The following KIF26B variants were observed in gnomAD, a reference collection of about 807,000 sequenced individuals.
KIF26B encodes kinesin family member 26B.
In KIF26B, 63 loss-of-function variants were observed where a neutral mutation model predicts 151.2. The ratio of observed to expected loss-of-function variants is 0.42; its 90% CI spans 0.34 to 0.51. KIF26B has a LOEUF of 0.51. KIF26B is among the 20% of genes least tolerant of loss of function. The pLI is 0.07. For synonymous variants in KIF26B, 1,357 were observed against 1,262.1 expected (o/e 1.08, Z -1.59); for missense variants, 2,813 against 2,913.6 (o/e 0.97, Z 0.79).
rs375885253 is a variant in KIF26B at position 245,688,274 on chromosome 1, C to T, written c.5291C>T (p.Pro1764Leu). 237 of 1,596,032 alleles carry T rather than the reference C, an allele frequency of 1.5e-4. No homozygotes were observed. The highest frequency in any genetic ancestry group is 1.9e-4 in the Non-Finnish European group (224 of 1,177,890). ...KTLSFSTKSLPQAVGQGSSSP... is the reference protein window; with the variant it reads ...KTLSFSTKSLLQAVGQGSSSP... ...CTCAGCTTCTCCACCAAGTCCCTGC[C>T]GCAGGCGGTGGGCCAGGGCTCCAGC... The change falls in exon 12 of 15, where the codon CCG becomes CTG. Residue 1764 changes from proline (P) to leucine (L), a missense_variant. Pro to Leu is a moderately conservative substitution (Grantham distance 98). Around this residue, in one of 3 missense-constraint regions of KIF26B, gnomAD observed 2,060 missense variants for 2,088.6 expected, o/e 0.99. Coordinates refer to ENST00000407071, the MANE Select transcript of KIF26B (RefSeq NM_018012.4).
At chr1:245,701,743 C>CTCG (rs1331485625) in intron 14 of KIF26B, among the ~76,000 whole-genome samples, 1 of 152,200 alleles carries the variant, frequency 6.6e-6, no homozygotes, top group East Asian at 1.9e-4. Context: ...GGTCCCAGAG[C>CTCG]TCGTCTCTTC....
At chr1:245,392,215 T>C (rs980860663) in intron 3 of KIF26B, among the ~76,000 whole-genome samples, 64 of 152,198 alleles carry the variant, frequency 4.2e-4, no homozygotes, top group African/African-American at 1.5e-3. Context: ...GTAGTTCTCT[T>C]TCGCCACCAC....
intron 3 of KIF26B, among the ~76,000 whole-genome samples, chr1:245,382,260 G>T (rs2103017956): frequency 6.6e-6 from 1 of 152,218 alleles, no homozygotes; most frequent in Middle Eastern, 3.4e-3. Context: ...ATCCTAATGG[G>T]TGTGAGGTGG....
intron 2 of KIF26B, among the ~76,000 whole-genome samples, chr1:245,196,615 G>A (rs563547984): frequency 2.6e-5 from 4 of 152,222 alleles, no homozygotes; most frequent in Admixed American, 6.5e-5. Context: ...GGTGATTTCC[G>A]AGAACCACTG....
Position 245,685,936 on chromosome 1 carries a change from G to C in KIF26B, c.2953G>C (p.Glu985Gln). ...GTCTGATAAGGAAGATAATGGGTCC[G>C]AAGGTCAGCTGACCAACAGAGAAGG... The part of the protein sequence containing the change: ...SESDKEDNGS[E>Q]GQLTNREGPE... Residue 985 changes from glutamate to glutamine, a missense_variant, in exon 12 of 15, where the codon GAA (glutamate) becomes CAA (glutamine). Glu to Gln is a conservative substitution (Grantham distance 29). Coordinates refer to ENST00000407071, the MANE Select transcript of KIF26B (RefSeq NM_018012.4). The C allele has an allele frequency of 6.2e-7, 1 of 1,611,422 alleles. No individual in the cohort carries two copies.
rs1311911399 is a variant in KIF26B, at chr1:245,597,327, G to A, written c.1351-5250G>A. 6.6e-6 allele frequency among the ~76,000 whole-genome samples: 1 copy of A among 152,110 alleles called. No individual in the cohort carries two copies. Among genetic ancestry groups the A allele is most frequent in the Non-Finnish European group, 1.5e-5 (1 of 68,030 alleles). On this transcript the variant is annotated intron_variant, in intron 5 of 14. Coordinates refer to ENST00000407071, the MANE Select transcript of KIF26B (RefSeq NM_018012.4). This position sits in a 1 kb window ranked among gnomAD's most constrained non-coding sequence, Gnocchi z 4.6. ...GGAGCTCTTGTAAGGCAGGCCTGGT[G>A]GTGACAAAATCTCTCAGCATTTGCC...
intron 2 of KIF26B, among the ~76,000 whole-genome samples, chr1:245,220,317 C>T (rs1669738746): frequency 6.6e-6 from 1 of 152,154 alleles, no homozygotes; most frequent in Non-Finnish European, 1.5e-5. Flanking sequence ...CTCACAGTAA[C>T]CCTGTGGGCT....
rs549561557 is a variant in KIF26B at position 245,659,106 on chromosome 1, C to G, written c.2258+12826C>G. On this transcript the variant is annotated intron_variant, in intron 10 of 14. Coordinates refer to ENST00000407071, the MANE Select transcript of KIF26B (RefSeq NM_018012.4). ...AAAGTATAGTAGCCATGCATAGTGG[C>G]GTGTGCCTGTAGTCCCAGCTACTCG... Among the ~76,000 whole-genome samples the G allele has an allele frequency of 6.6e-5, 10 of 152,166 alleles. No individual in the cohort carries two copies. The East Asian group carries it at 1.7e-3, about 26-fold the overall frequency.
intron 2 of KIF26B, among the ~76,000 whole-genome samples, chr1:245,185,855 T>G (rs929510266): frequency 6.6e-6 from 1 of 151,316 alleles, no homozygotes; most frequent in Non-Finnish European, 1.5e-5. Flanking sequence ...GCTATTTATA[T>G]TTTCTTTTTA....
chr1:245,232,077 C>G (rs974269050), intron 2 of KIF26B, among the ~76,000 whole-genome samples: 1 of 152,214 alleles, frequency 6.6e-6, no homozygotes, highest in Non-Finnish European at 1.5e-5. Context: ...AAGAGGGCTT[C>G]ATGTTTCAGA....
Position 245,218,837 on chromosome 1 carries a change from A to ATTGGCTC in KIF26B, c.465+62157_465+62163dup. On this transcript the variant is annotated intron_variant, in intron 2 of 14. Transcript: ENST00000407071. This position sits in a 1 kb window ranked among gnomAD's most constrained non-coding sequence, Gnocchi z 4.1. ...GGGCAGAATGAACCACTAAAAAGTT[A>ATTGGCTC]TTGGCTCTTAACTCCTGCTTTTTGT... is the stretch of plus-strand genomic sequence containing the variant. Among the ~76,000 whole-genome samples the ATTGGCTC allele has an allele frequency of 6.6e-6, 1 of 152,292 alleles. No individual in the cohort carries two copies. The highest frequency in any genetic ancestry group is 2.1e-4 in the South Asian group (1 of 4,820).
chr1:245,406,168 CTCACACG>C lies in KIF26B; in HGVS notation c.1000-13409_1000-13403del, dbSNP rs147311928. ...GCCCTCCAGTCATCCTATGTGCAGTCTCACACGTTCCCCACTCTGGGGAAATTGAGGC... is the reference window on the plus strand; with the variant it reads ...GCCCTCCAGTCATCCTATGTGCAGTCTTCCCCACTCTGGGGAAATTGAGGC... On this transcript the variant is annotated intron_variant, in intron 3 of 14. Transcript: ENST00000407071. Among the ~76,000 whole-genome samples the C allele has an allele frequency of 5.5e-3, 830 of 152,276 alleles. 10 individuals carry two copies. Among genetic ancestry groups the C allele is most frequent in the African/African-American group, 0.019 (794 of 41,574 alleles).
At chr1:245,521,089 G>A (rs1661090908) in intron 4 of KIF26B, among the ~76,000 whole-genome samples, 1 of 152,184 alleles carries the variant, frequency 6.6e-6, no homozygotes, top group African/African-American at 2.4e-5. Context: ...TGTAATCCCA[G>A]CATTTTGGGA....
intron 5 of KIF26B, among the ~76,000 whole-genome samples, chr1:245,592,153 G>C (rs896069470): frequency 6.6e-6 from 1 of 152,126 alleles, no homozygotes; most frequent in Non-Finnish European, 1.5e-5. Flanking sequence ...CACCTTTCCC[G>C]GCCCGGTTTT....
At chr1:245,677,011 C>T (rs1327387628) in intron 10 of KIF26B, among the ~76,000 whole-genome samples, 2 of 152,204 alleles carry the variant, frequency 1.3e-5, no homozygotes, top group East Asian at 3.9e-4. Flanking sequence ...AGAGGCATCT[C>T]AAATGATGCT....
intron 2 of KIF26B, among the ~76,000 whole-genome samples, chr1:245,320,056 C>T (rs12748277): frequency 0.25 from 38,201 of 152,142 alleles, 5,966 homozygotes; most frequent in African/African-American, 0.41. Context: ...TTTATTTGGA[C>T]ATTATGATGG....
chr1:245,411,353 G>C (rs1674277835), intron 3 of KIF26B, among the ~76,000 whole-genome samples: 1 of 152,216 alleles, frequency 6.6e-6, no homozygotes, highest in South Asian at 2.1e-4. Context: ...AAAGAGTTGA[G>C]TGGAATAGCT....
At chr1:245,365,078 C>T (rs1572024768) in intron 2 of KIF26B, among the ~76,000 whole-genome samples, 1 of 152,284 alleles carries the variant, frequency 6.6e-6, no homozygotes, top group East Asian at 1.9e-4. Flanking sequence ...CGCTTTTAAC[C>T]CTCTGGGACC....
intron 4 of KIF26B, among the ~76,000 whole-genome samples, chr1:245,475,209 G>A (rs1226060866): frequency 1.3e-5 from 2 of 151,770 alleles, no homozygotes; most frequent in East Asian, 3.9e-4. Context: ...GGAGACTGTG[G>A]CCATCTCTGC....
Sources: allele counts gnomAD v4.1 joint callset (sites outside exome capture counted in the v4.1 genomes callset), GRCh38; gene constraint gnomAD v4.1.1; regional missense constraint gnomAD v4.1.1; non-coding constraint Gnocchi (gnomAD v3.1); transcripts MANE v1.5; gene names NCBI Gene and HGNC (gene_info 2026-07-23, HGNC 2026-07-21).